Variants in ANO3 observed in about 807,000 individuals in gnomAD.
ANO3 encodes anoctamin-3.
ANO3 carries 99 observed loss-of-function variants against 144.8 expected under a neutral mutation model. The observed-to-expected ratio is 0.68, with a 90% CI of 0.58 to 0.81. The LOEUF is 0.81. Ranked by LOEUF, ANO3 falls within the 30% of genes least tolerant of loss-of-function variation. The pLI, the probability that ANO3 is intolerant of heterozygous loss-of-function variation, is 0.00. For missense variants in ANO3, 905 were observed against 1,202.2 expected, an observed-to-expected ratio of 0.75 and a Z score of 3.66; for synonymous variants, 414 against 392.6, an observed-to-expected ratio of 1.05 and a Z score of -0.64.
intron 4 of ANO3, among the ~76,000 whole-genome samples, chr11:26,501,732 A>G (rs1468729665): frequency 1.3e-5 from 2 of 152,180 alleles, no homozygotes; most frequent in Non-Finnish European, 1.5e-5. Flanking sequence ...AACTATGACC[A>G]TTTCACAAAT....
At chr11:26,327,192 A>G (rs150646838), upstream of ANO3, among the ~76,000 whole-genome samples, 1 of 152,318 alleles carries the variant, frequency 6.6e-6, no homozygotes, top group East Asian at 1.9e-4. Context: ...CTCAGCTTTT[A>G]TGTGTCAATC....
At chr11:26,511,601 G>A (rs1861668430) in intron 5 of ANO3, among the ~76,000 whole-genome samples, 1 of 152,176 alleles carries the variant, frequency 6.6e-6, no homozygotes, top group South Asian at 2.1e-4. Flanking sequence ...ATAAGTGGCT[G>A]AAAAGGAAAG....
chr11:26,534,571 A>G lies in ANO3; in HGVS notation c.976+9A>G. The stretch of plus-strand genomic sequence containing the variant: ...TGGAATATCAAAAGTGGGTAAGAAC[A>G]TTAATTAATAACAGAGTAGAACTTG... On this transcript the variant is annotated intron_variant, in intron 9 of 26. Transcript: ENST00000256737. 6.4e-7 allele frequency: 1 copy of G among 1,567,016 alleles called. No individual in the cohort carries two copies. Among genetic ancestry groups the G allele is most frequent in the African/African-American group, 1.4e-5 (1 of 74,044 alleles).
chr11:26,219,812 C>T (rs1413180114), intron 1 of ANO3, among the ~76,000 whole-genome samples: 3 of 152,042 alleles, frequency 2.0e-5, no homozygotes, highest in Non-Finnish European at 4.4e-5. Flanking sequence ...GCTGGTCCAT[C>T]AAGGCTAAGG....
At chr11:26,456,462 A>T (rs1338611425) in intron 3 of ANO3, among the ~76,000 whole-genome samples, 2 of 151,504 alleles carry the variant, frequency 1.3e-5, no homozygotes, top group African/African-American at 2.4e-5. Context: ...CAGCCAAAAA[A>T]CACATGAAAA....
rs527511241 is a variant in ANO3, at chr11:26,356,190, T to C, written c.46+23869T>C. 3.7e-3 allele frequency among the ~76,000 whole-genome samples: 559 copies of C among 152,282 alleles called. 10 individuals carry two copies. In the South Asian group the frequency reaches 0.055, roughly 15 times the overall value. ...AAATATATATGTATCTACACACATA[T>C]GTGTGTATGCTCTATATACAACCTC... On this transcript the variant is annotated intron_variant, in intron 1 of 26. Coordinates refer to ENST00000256737, the MANE Select transcript of ANO3 (RefSeq NM_031418.4).
At chr11:26,246,456 T>TTATATATATATATATA (rs150219099) in intron 1 of ANO3, among the ~76,000 whole-genome samples, 6 of 140,030 alleles carry the variant, frequency 4.3e-5, no homozygotes, top group East Asian at 2.1e-4. Flanking sequence ...AGTGTAGTCT[T>TTATATATATATATATA]TATATATATA....
chr11:26,656,530 A>T, intron 26 of ANO3, 49 bp downstream of exon 26: 1 of 1,248,080 alleles, frequency 8.0e-7, no homozygotes, highest in Non-Finnish European at 1.2e-6. Context: ...TGCTTTTCTA[A>T]ATGATTTATC....
At chr11:26,526,579 C>A (rs1337667413) in intron 7 of ANO3, among the ~76,000 whole-genome samples, 1 of 151,918 alleles carries the variant, frequency 6.6e-6, no homozygotes, top group African/African-American at 2.4e-5. Flanking sequence ...AGTTTCTTTA[C>A]CAAATAAAAT....
At chr11:26,300,793 A>G (rs1854210193) in intron 1 of ANO3, among the ~76,000 whole-genome samples, 1 of 152,002 alleles carries the variant, frequency 6.6e-6, no homozygotes, top group Non-Finnish European at 1.5e-5. Flanking sequence ...TATTCTTGTT[A>G]GGATAATGTC....
At chr11:26,581,688 C>CAAA (rs10612768) in intron 14 of ANO3, among the ~76,000 whole-genome samples, 2 of 84,728 alleles carry the variant, frequency 2.4e-5, no homozygotes, top group African/African-American at 4.6e-5. Context: ...GACTCTGTCT[C>CAAA]AAAAAAAAAA....
At chr11:26,391,379 A>T (rs1856874540) in intron 1 of ANO3, among the ~76,000 whole-genome samples, 1 of 152,146 alleles carries the variant, frequency 6.6e-6, no homozygotes, top group Non-Finnish European at 1.5e-5. Flanking sequence ...TCATGAAGGC[A>T]GAGCCCTCAT....
At chr11:26,564,726 CACACACATATAT>C (rs1565108806) in intron 14 of ANO3, among the ~76,000 whole-genome samples, 49 of 49,274 alleles carry the variant, frequency 9.9e-4, no homozygotes, top group South Asian at 1.4e-3. Context: ...CACACACACA[CACACACATATAT>C]ATATATATAT....
chr11:26,218,756 T>C (rs550666522), intron 1 of ANO3, among the ~76,000 whole-genome samples: 53 of 152,310 alleles, frequency 3.5e-4, no homozygotes, highest in Admixed American at 3.0e-3. Flanking sequence ...TTTGTTTTTT[T>C]CTTAAGGGAA....
intron 1 of ANO3, among the ~76,000 whole-genome samples, chr11:26,416,801 C>T (rs909681895): frequency 9.2e-5 from 14 of 151,932 alleles, no homozygotes; most frequent in Non-Finnish European, 7.4e-5. Context: ...CTAGTGGCCT[C>T]CTACATCTGT....
At chr11:26,341,611 A>G (rs756380144) in intron 1 of ANO3, among the ~76,000 whole-genome samples, 2 of 152,214 alleles carry the variant, frequency 1.3e-5, no homozygotes, top group Admixed American at 6.5e-5. Context: ...ATAGATGTGT[A>G]TATGAAAAGG....
intron 1 of ANO3, among the ~76,000 whole-genome samples, chr11:26,222,522 G>A (rs1355279440): frequency 6.6e-6 from 1 of 152,224 alleles, no homozygotes; most frequent in Non-Finnish European, 1.5e-5. Flanking sequence ...TGTGTGTGGA[G>A]GTCCCAACCC....
At chr11:26,572,049 T>G (rs2134291876) in intron 14 of ANO3, 1 of 982,390 alleles carries the variant, frequency 1.0e-6, no homozygotes, top group South Asian at 4.7e-5. Context: ...ACCTTCAGGC[T>G]TAGGAGGTAT....
Position 26,382,820 on chromosome 11 carries a change from A to G in ANO3, c.46+50499A>G, listed in dbSNP as rs114709811. On this transcript the variant is annotated intron_variant, in intron 1 of 26. Coordinates refer to ENST00000256737, the MANE Select transcript of ANO3 (RefSeq NM_031418.4). The stretch of plus-strand genomic sequence containing the variant: ...GAGTGCCTTCTGTAGTTGTGAAAAC[A>G]TTGGCATTAATTGGAGAGATGTCAA... Among the ~76,000 whole-genome samples, 821 of 152,300 alleles carry G rather than the reference A, an allele frequency of 5.4e-3. 5 individuals carry two copies. Among genetic ancestry groups the G allele is most frequent in the African/African-American group, 0.019 (796 of 41,582 alleles).
Sources: gnomAD v4.1 joint callset for allele counts (sites outside exome capture counted in the v4.1 genomes callset) on GRCh38, gnomAD v4.1.1 for gene constraint, MANE v1.5 for transcripts, NCBI Gene and HGNC (gene_info 2026-07-23, HGNC 2026-07-21) for gene names.